The following HSF2 variants were observed in gnomAD, a reference collection of about 807,000 sequenced individuals.
HSF2 encodes the protein heat shock transcription factor 2.
HSF2 carries 21 observed loss-of-function variants against 65.0 expected under a neutral mutation model. That is an observed-to-expected ratio of 0.32 (90% CI 0.23 to 0.47). The LOEUF is 0.47. Among genes scored for constraint, HSF2 ranks in the 20% least tolerant of loss-of-function variants. The probability of loss-of-function intolerance (pLI) is 1.00; values close to 1 mark genes in which losing one functional copy is unlikely to be tolerated. For missense variants in HSF2, 499 were observed against 628.1 expected (o/e 0.79, Z 2.20); for synonymous variants, 225 against 219.1 (o/e 1.03, Z -0.24).
chr6:122,402,867 A>C (rs1466412320), intron 1 of HSF2, among the ~76,000 whole-genome samples: 1 of 152,046 alleles, frequency 6.6e-6, no homozygotes, highest in African/African-American at 2.4e-5. Flanking sequence ...TCATCTTTTG[A>C]AAGTTGCTAT....
At chr6:122,413,036 TA>T (rs1774036915) in intron 3 of HSF2, among the ~76,000 whole-genome samples, 1 of 152,068 alleles carries the variant, frequency 6.6e-6, no homozygotes, top group African/African-American at 2.4e-5. Flanking sequence ...AAGTCTCTTC[TA>T]ATAATATAAA....
intron 1 of HSF2, 105 bp from the exon 2 acceptor site, chr6:122,412,268 G>C (rs1204052098): frequency 1.4e-6 from 1 of 690,458 alleles, no homozygotes; most frequent in Admixed American, 2.3e-5. Flanking sequence ...AAGACATCAA[G>C]GAGGGACTGG....
At chr6:122,400,064 C>CG (rs1039262616) in intron 1 of HSF2, among the ~76,000 whole-genome samples, 2 of 152,070 alleles carry the variant, frequency 1.3e-5, no homozygotes, top group African/African-American at 4.8e-5. Flanking sequence ...GGGCGGCCCG[C>CG]GCGGGGCGTA....
chr6:122,419,134 A>G, intron 5 of HSF2, 34 bp from the exon 6 acceptor site: 1 of 994,672 alleles, frequency 1.0e-6, no homozygotes, highest in East Asian at 2.5e-5. Flanking sequence ...AATTAACAGT[A>G]TAATGAAATA....
chr6:122,412,908 C>T (rs1285111427), intron 3 of HSF2, 144 bp downstream of exon 3: 1 of 794,906 alleles, frequency 1.3e-6, no homozygotes, highest in African/African-American at 1.8e-5. Flanking sequence ...TACTTGTTTC[C>T]CTGTATTTTT....
chr6:122,402,336 C>A (rs979544529), intron 1 of HSF2, among the ~76,000 whole-genome samples: 1 of 152,202 alleles, frequency 6.6e-6, no homozygotes, highest in African/African-American at 2.4e-5. Flanking sequence ...CTCATTTGTG[C>A]TCTCCATGGA....
intron 1 of HSF2, 34 bp from the exon 2 acceptor site, chr6:122,412,339 A>C (rs1774017698): frequency 3.2e-6 from 4 of 1,250,958 alleles, no homozygotes; most frequent in Non-Finnish European, 4.7e-6. Flanking sequence ...GAACTTAACT[A>C]ATTTACTTTT....
chr6:122,410,464 A>G (rs544165748), intron 1 of HSF2, among the ~76,000 whole-genome samples: 1 of 151,930 alleles, frequency 6.6e-6, no homozygotes, highest in African/African-American at 2.4e-5. Context: ...TTTTAAGTGC[A>G]TTAAGTTAGA....
Position 122,432,302 on chromosome 6 carries a change from T to A in HSF2, c.*82T>A. 1 of 1,210,734 alleles carries A rather than the reference T, an allele frequency of 8.3e-7. No individual in the cohort carries two copies. The highest frequency in any genetic ancestry group is 1.2e-6 in the Non-Finnish European group (1 of 858,698). 75.0% of individuals were successfully genotyped at this position (1,210,734 alleles called of 1,614,324 possible). ...TTTAAAGTATCATTTGGTACTTTTT[T>A]TGTAAATTGCTTTGTTTTGTTTAAT... On this transcript the variant is annotated 3_prime_UTR_variant, in exon 13 of 13. Coordinates refer to ENST00000368455, the MANE Select transcript of HSF2 (RefSeq NM_004506.4).
chr6:122,401,332 T>C (rs780057220), intron 1 of HSF2, among the ~76,000 whole-genome samples: 4 of 152,216 alleles, frequency 2.6e-5, no homozygotes, highest in Non-Finnish European at 4.4e-5. Flanking sequence ...TACAGACTGT[T>C]ACTCAGACAC....
intron 7 of HSF2, among the ~76,000 whole-genome samples, chr6:122,421,331 A>G (rs1457599458): frequency 6.6e-6 from 1 of 151,722 alleles, no homozygotes; most frequent in Non-Finnish European, 1.5e-5. Context: ...AAGTAATAAG[A>G]TTTTTGTTCT....
At chr6:122,404,523 A>T (rs537580891) in intron 1 of HSF2, among the ~76,000 whole-genome samples, 14 of 152,314 alleles carry the variant, frequency 9.2e-5, no homozygotes, top group African/African-American at 3.4e-4. Context: ...TCTGTTCCGA[A>T]AAATGTTTTA....
intron 1 of HSF2, among the ~76,000 whole-genome samples, chr6:122,411,237 G>A (rs1005965518): frequency 1.3e-5 from 2 of 151,498 alleles, no homozygotes; most frequent in Admixed American, 1.3e-4. Context: ...TTTGCTTATT[G>A]GAAGTTTGTA....
chr6:122,407,873 A>C (rs1471173037), intron 1 of HSF2, among the ~76,000 whole-genome samples: 2 of 152,142 alleles, frequency 1.3e-5, no homozygotes, highest in Non-Finnish European at 2.9e-5. Context: ...GGAGAAGTCC[A>C]AGATGAAGGC....
intron 11 of HSF2, among the ~76,000 whole-genome samples, chr6:122,429,493 A>T (rs906322273): frequency 6.6e-6 from 1 of 152,112 alleles, no homozygotes; most frequent in Non-Finnish European, 1.5e-5. Flanking sequence ...TCCCTTGCTC[A>T]TGACAGGTAT....
At chr6:122,413,294 T>C (rs1377545766) in intron 3 of HSF2, among the ~76,000 whole-genome samples, 1 of 143,164 alleles carries the variant, frequency 7.0e-6, no homozygotes, top group Non-Finnish European at 1.5e-5. Flanking sequence ...ATATTCCTGC[T>C]TGCGGAAACT....
At chr6:122,426,082 C>T (rs796160720) in intron 10 of HSF2, among the ~76,000 whole-genome samples, 1 of 152,088 alleles carries the variant, frequency 6.6e-6, no homozygotes, top group Non-Finnish European at 1.5e-5. Context: ...ATAGCATTCA[C>T]AAGCCATCCC....
At chr6:122,416,014 C>T (rs997912536) in intron 4 of HSF2, among the ~76,000 whole-genome samples, 16 of 151,868 alleles carry the variant, frequency 1.1e-4, no homozygotes, top group African/African-American at 3.6e-4. Flanking sequence ...AAAGCTACAC[C>T]TTTTTTTTAA....
Position 122,431,455 on chromosome 6 carries a change from C to T in HSF2, c.1256C>T (p.Thr419Ile), listed in dbSNP as rs1452006691. ...TKSENKGLET[T>I]KNNVVQPVSE... ...TCTGAGAATAAAGGATTAGAAACTA[C>T]CAAGAACAATGTAGTTCAGCCAGTT... The change falls in exon 12 of 13, where the codon ACC (threonine) becomes ATC (isoleucine). Residue 419 changes from threonine (T) to isoleucine (I), a missense_variant. Thr to Ile is a moderately conservative substitution (Grantham distance 89). This residue lies in a region of HSF2 where 349 missense variants were observed against 393.5 expected (regional missense o/e 0.89). Transcript: ENST00000368455. 7.0e-6 allele frequency: 11 copies of T among 1,574,548 alleles called. No homozygotes were observed. The highest frequency in any genetic ancestry group is 1.2e-5 in the South Asian group (1 of 85,638).
Sources: gnomAD v4.1 joint callset for allele counts (sites outside exome capture counted in the v4.1 genomes callset) on GRCh38, gnomAD v4.1.1 for gene constraint, gnomAD v4.1.1 regional missense constraint, MANE v1.5 for transcripts, NCBI Gene and HGNC (gene_info 2026-07-23, HGNC 2026-07-21) for gene names.